NKAIN3: variants seen among roughly 807,000 people sequenced by gnomAD.
NKAIN3 encodes sodium/potassium transporting ATPase interacting 3, also known as sodium/potassium-transporting ATPase subunit beta-1-interacting protein 3.
Under a neutral mutation model 30.2 loss-of-function variants are expected in NKAIN3, and 25 were observed. The observed-to-expected ratio is 0.83, with a 90% CI of 0.60 to 1.16. The LOEUF (loss-of-function observed/expected upper bound fraction) is 1.16, where lower values mean the gene tolerates loss of function less well. Ranked by LOEUF, NKAIN3 falls within the 50% of genes most tolerant of loss-of-function variation. The probability of loss-of-function intolerance (pLI) is 0.00; values close to 1 mark genes in which losing one functional copy is unlikely to be tolerated. For synonymous variants in NKAIN3, 91 were observed against 89.6 expected, an observed-to-expected ratio of 1.02 and a Z score of -0.09; for missense variants, 225 against 254.1, an observed-to-expected ratio of 0.89 and a Z score of 0.78.
intron 1 of NKAIN3, among the ~76,000 whole-genome samples, chr8:62,433,293 T>C (rs1417610555): frequency 6.6e-6 from 1 of 152,072 alleles, no homozygotes; most frequent in Admixed American, 6.6e-5. Context: ...ATCAATCTTG[T>C]GGTGGTAGGT....
intron 1 of NKAIN3, among the ~76,000 whole-genome samples, chr8:62,334,120 G>A (rs1325092572): frequency 6.6e-6 from 1 of 152,086 alleles, no homozygotes; most frequent in Non-Finnish European, 1.5e-5. Context: ...GTTATCATTA[G>A]CATTTATAAT....
chr8:62,906,590 G>T (rs1821785784), intron 4 of NKAIN3, among the ~76,000 whole-genome samples: 2 of 152,170 alleles, frequency 1.3e-5, no homozygotes, highest in African/African-American at 4.8e-5. Context: ...GGGACCTGAT[G>T]GGAGACAACT....
chr8:62,944,661 A>G (rs1166599330), intron 5 of NKAIN3, among the ~76,000 whole-genome samples: 1 of 152,164 alleles, frequency 6.6e-6, no homozygotes, highest in East Asian at 1.9e-4. Context: ...TAAACTGGAA[A>G]TTTTTAAGTG....
At chr8:62,605,200 A>G (rs1358833370) in intron 3 of NKAIN3, among the ~76,000 whole-genome samples, 5 of 152,104 alleles carry the variant, frequency 3.3e-5, no homozygotes, top group Admixed American at 6.6e-5. Flanking sequence ...ACACCTCAAA[A>G]TCGAGGTGTA....
intron 1 of NKAIN3, among the ~76,000 whole-genome samples, chr8:62,316,651 G>A (rs1814643559): frequency 6.6e-6 from 1 of 152,044 alleles, no homozygotes; most frequent in Admixed American, 6.6e-5. Flanking sequence ...GTGTATATGT[G>A]CCACATTTTT....
At chr8:62,603,507 G>A (rs145692424) in intron 3 of NKAIN3, among the ~76,000 whole-genome samples, 2,002 of 152,028 alleles carry the variant, frequency 0.013, 45 homozygotes, top group African/African-American at 0.044. Flanking sequence ...TAAATTCTTC[G>A]GATAAAATTT....
At chr8:62,789,926 A>T (rs1400451955) in intron 4 of NKAIN3, among the ~76,000 whole-genome samples, 1 of 152,186 alleles carries the variant, frequency 6.6e-6, no homozygotes, top group Non-Finnish European at 1.5e-5. Context: ...TATTCCAATC[A>T]ATAGAAAAAG....
chr8:62,438,460 A>T (rs1310971681), intron 1 of NKAIN3, among the ~76,000 whole-genome samples: 3 of 152,160 alleles, frequency 2.0e-5, no homozygotes, highest in Non-Finnish European at 1.5e-5. Context: ...TTGTGAGTGC[A>T]TCTGTCACCT....
rs138707276 is a variant in NKAIN3 at position 62,863,575 on chromosome 8, A to C, written c.472-54878A>C. ...CAAGTACTCCCAAGACCATGCAGACATGTATCCCATTCATGCCTGAAATCT... is the reference window on the plus strand; with the variant it reads ...CAAGTACTCCCAAGACCATGCAGACCTGTATCCCATTCATGCCTGAAATCT... On this transcript the variant is annotated intron_variant, in intron 4 of 6. Transcript: ENST00000623646. 1,200 of 1,159,320 alleles carry C rather than the reference A, an allele frequency of 1.0e-3. 3 individuals are homozygous for C. The highest frequency in any genetic ancestry group is 1.7e-3 in the Admixed American group (102 of 58,976). The allele number at this position is 1,159,320 out of a possible 1,614,324, so 71.8% of individuals were successfully genotyped here.
chr8:62,812,832 TA>T (rs1289593174), intron 4 of NKAIN3, among the ~76,000 whole-genome samples: 2 of 151,930 alleles, frequency 1.3e-5, no homozygotes, highest in Non-Finnish European at 2.9e-5. Context: ...TATTGTTTCT[TA>T]GAGTTTTTGT....
chr8:62,632,440 T>C (rs1192907417), intron 3 of NKAIN3, among the ~76,000 whole-genome samples: 1 of 152,140 alleles, frequency 6.6e-6, no homozygotes. Context: ...GAAAACAAAG[T>C]TTCTCTGGGT....
At chr8:62,849,501 A>T (rs1819806920) in intron 4 of NKAIN3, among the ~76,000 whole-genome samples, 1 of 150,862 alleles carries the variant, frequency 6.6e-6, no homozygotes, top group Admixed American at 6.6e-5. Flanking sequence ...CACAATGTGC[A>T]AGTTTGTTAC....
intron 3 of NKAIN3, among the ~76,000 whole-genome samples, chr8:62,690,437 T>C (rs1223471056): frequency 6.6e-6 from 1 of 152,228 alleles, no homozygotes; most frequent in Non-Finnish European, 1.5e-5. Context: ...TTGTTCTCAC[T>C]GTCTCCCTTG....
chr8:62,870,649 CTATATCTAGA>C (rs1288713604), intron 4 of NKAIN3, among the ~76,000 whole-genome samples: 3 of 110,464 alleles, frequency 2.7e-5, no homozygotes, highest in Admixed American at 8.7e-5. Flanking sequence ...ATATATATAT[CTATATCTAGA>C]TATATATAGA....
chr8:62,612,303 G>A (rs1586008184), intron 3 of NKAIN3, among the ~76,000 whole-genome samples: 1 of 151,796 alleles, frequency 6.6e-6, no homozygotes, highest in Non-Finnish European at 1.5e-5. Context: ...CTCACATTGG[G>A]TGCGTATATA....
chr8:62,694,372 CA>C (rs1403784596), intron 3 of NKAIN3, among the ~76,000 whole-genome samples: 1 of 151,918 alleles, frequency 6.6e-6, no homozygotes, highest in South Asian at 2.1e-4. Context: ...CATTCAGCCA[CA>C]AAAAAAGACT....
chr8:62,310,683 A>T (rs1814399116), intron 1 of NKAIN3, among the ~76,000 whole-genome samples: 1 of 150,378 alleles, frequency 6.6e-6, no homozygotes, highest in African/African-American at 2.5e-5. Context: ...GTACTGAATA[A>T]GTAGAGGAGT....
chr8:62,436,172 G>A (rs1330220305), intron 1 of NKAIN3, among the ~76,000 whole-genome samples: 1 of 152,148 alleles, frequency 6.6e-6, no homozygotes, highest in Non-Finnish European at 1.5e-5. Context: ...TCTCTCAGGG[G>A]CTAGGTGGAA....
At chr8:62,726,272 A>G (rs758731706) in intron 3 of NKAIN3, among the ~76,000 whole-genome samples, 96 of 152,184 alleles carry the variant, frequency 6.3e-4, no homozygotes, top group Non-Finnish European at 1.2e-3. Flanking sequence ...GCAAACACGC[A>G]TAACTTTTTC....
Sources: allele counts gnomAD v4.1 joint callset (sites outside exome capture counted in the v4.1 genomes callset), GRCh38; gene constraint gnomAD v4.1.1; transcripts MANE v1.5; gene names NCBI Gene and HGNC (gene_info 2026-07-23, HGNC 2026-07-21).